NPAS3: variants seen among roughly 807,000 people sequenced by gnomAD.
The protein encoded by NPAS3 is neuronal PAS domain-containing protein 3.
A neutral mutation model predicts 73.1 loss-of-function variants in NPAS3; 14 were observed. That is an observed-to-expected ratio of 0.19 (90% CI 0.13 to 0.30). The LOEUF (loss-of-function observed/expected upper bound fraction) is 0.30. NPAS3 is among the 10% of genes least tolerant of loss of function. The probability of loss-of-function intolerance (pLI) is 1.00; values close to 1 mark genes in which losing one functional copy is unlikely to be tolerated. For missense variants in NPAS3, 1,096 were observed against 1,250.0 expected (o/e 0.88, Z 1.86); for synonymous variants, 620 against 541.5 (o/e 1.14, Z -2.01).
intron 4 of NPAS3, among the ~76,000 whole-genome samples, chr14:33,422,837 A>T (rs1347588477): frequency 3.9e-5 from 6 of 152,024 alleles, no homozygotes; most frequent in Non-Finnish European, 7.4e-5. Context: ...AGCACATATT[A>T]GCTTAGAGAC....
chr14:33,701,429 G>A lies in NPAS3; in HGVS notation c.733+25044G>A, dbSNP rs7161548. Among the ~76,000 whole-genome samples, 401 of 152,298 alleles carry A rather than the reference G, an allele frequency of 2.6e-3. 1 individual carries two copies. The highest frequency in any genetic ancestry group is 8.8e-3 in the African/African-American group (364 of 41,566). ...AGAGGAACACTATATGCAAAACTGC[G>A]TATGGATGTGAGTCATTGTTCTTGA... On this transcript the variant is annotated intron_variant, in intron 6 of 11. Transcript: ENST00000356141.
intron 1 of NPAS3, among the ~76,000 whole-genome samples, chr14:33,037,824 ACTCAT>A (rs1239560601): frequency 6.6e-6 from 1 of 152,190 alleles, no homozygotes; most frequent in Non-Finnish European, 1.5e-5. Context: ...TTTCTATGTG[ACTCAT>A]CTCAGTTGTT....
intron 1 of NPAS3, among the ~76,000 whole-genome samples, chr14:33,045,780 T>A (rs1000291123): frequency 1.3e-5 from 2 of 152,208 alleles, no homozygotes; most frequent in African/African-American, 4.8e-5. Context: ...TAAGGCTATG[T>A]TGGAAATGGT....
intron 1 of NPAS3, among the ~76,000 whole-genome samples, chr14:33,020,190 C>A (rs2039542080): frequency 6.6e-6 from 1 of 152,096 alleles, no homozygotes; most frequent in Admixed American, 6.5e-5. Context: ...CAAAGAGATG[C>A]CTTCTGAAGA....
At chr14:33,754,821 C>T (rs1392762384) in intron 7 of NPAS3, among the ~76,000 whole-genome samples, 1 of 152,136 alleles carries the variant, frequency 6.6e-6, no homozygotes, top group South Asian at 2.1e-4. Context: ...GTGAGGTACA[C>T]CTGAAAGAAT....
chr14:33,003,873 T>G (rs1419531195), intron 1 of NPAS3, among the ~76,000 whole-genome samples: 1 of 152,210 alleles, frequency 6.6e-6, no homozygotes, highest in East Asian at 1.9e-4. Context: ...AAACTGGTTT[T>G]AAGACCACAC....
At chr14:33,024,249 G>T (rs943025038) in intron 1 of NPAS3, among the ~76,000 whole-genome samples, 2 of 151,630 alleles carry the variant, frequency 1.3e-5, no homozygotes, top group Non-Finnish European at 2.9e-5. Flanking sequence ...TCGGCTCACT[G>T]AAACCTCCAC....
intron 1 of NPAS3, among the ~76,000 whole-genome samples, chr14:32,963,086 G>C (rs2037001320): frequency 1.3e-5 from 2 of 152,056 alleles, no homozygotes; most frequent in South Asian, 2.1e-4. Context: ...TTTTCTCATA[G>C]TGGTGATTGC....
intron 4 of NPAS3, among the ~76,000 whole-genome samples, chr14:33,425,890 C>T (rs1192409045): frequency 3.9e-5 from 6 of 152,070 alleles, no homozygotes; most frequent in African/African-American, 1.4e-4. Flanking sequence ...TCCTAGGCTT[C>T]ATCTCAGTCA....
chr14:33,735,228 C>T (rs1326898920), exon 7 of NPAS3: 1 of 1,612,996 alleles, frequency 6.2e-7, no homozygotes, highest in Non-Finnish European at 8.5e-7. Context: ...GTCAACCAGC[C>T]CCAGTCTGCT....
chr14:33,136,235 A>AT (rs1391023548), intron 2 of NPAS3, among the ~76,000 whole-genome samples: 2 of 151,486 alleles, frequency 1.3e-5, no homozygotes, highest in African/African-American at 4.8e-5. Context: ...TAATTTTTAT[A>AT]TTTTTAGTAG....
chr14:33,131,332 T>C (rs1039396976), intron 2 of NPAS3, among the ~76,000 whole-genome samples: 3 of 152,256 alleles, frequency 2.0e-5, no homozygotes, highest in African/African-American at 7.2e-5. Context: ...CTTTAAACAT[T>C]TGGCTTAAAT....
Position 33,457,864 on chromosome 14 carries a change from C to T in NPAS3, c.468+90596C>T, listed in dbSNP as rs141365682. ...AGGTGGGGCAGCACCCTGGCCAACC[C>T]CCTGGACACCCCTTGTTTGCAGGAA... On this transcript the variant is annotated intron_variant, in intron 4 of 11. Transcript: ENST00000356141. Among the ~76,000 whole-genome samples, 552 of 152,262 alleles carry T rather than the reference C, an allele frequency of 3.6e-3. 5 individuals carry two copies. Among genetic ancestry groups the T allele is most frequent in the African/African-American group, 0.013 (534 of 41,560 alleles).
At chr14:33,247,162 CTA>C (rs35848459) in intron 3 of NPAS3, among the ~76,000 whole-genome samples, 29,706 of 151,884 alleles carry the variant, frequency 0.2, 3,158 homozygotes, top group Non-Finnish European at 0.22. Flanking sequence ...AATGTACATT[CTA>C]TCTTAGAATA....
intron 2 of NPAS3, among the ~76,000 whole-genome samples, chr14:33,130,167 G>GCGTA (rs2043581527): frequency 6.6e-6 from 1 of 152,076 alleles, no homozygotes; most frequent in Non-Finnish European, 1.5e-5. Context: ...CCTTCTTTAT[G>GCGTA]CGTACGGCAG....
At chr14:33,640,942 A>T (rs1401768685) in intron 5 of NPAS3, among the ~76,000 whole-genome samples, 3 of 152,244 alleles carry the variant, frequency 2.0e-5, no homozygotes, top group Non-Finnish European at 4.4e-5. Context: ...ATAAATATGT[A>T]TGTGCAGAGA....
At chr14:33,261,103 T>TA (rs2048960628) in intron 3 of NPAS3, among the ~76,000 whole-genome samples, 2 of 152,172 alleles carry the variant, frequency 1.3e-5, no homozygotes, top group African/African-American at 4.8e-5. Flanking sequence ...TTTTGTTTAT[T>TA]TCAATGCTAG....
intron 4 of NPAS3, among the ~76,000 whole-genome samples, chr14:33,550,465 C>G (rs1484567731): frequency 1.3e-5 from 2 of 152,214 alleles, no homozygotes; most frequent in Non-Finnish European, 2.9e-5. Context: ...AGTATGTTAG[C>G]AAACCATAAA....
chr14:33,776,271 T>G (rs2062811894), intron 8 of NPAS3, among the ~76,000 whole-genome samples: 3 of 152,018 alleles, frequency 2.0e-5, no homozygotes, highest in Admixed American at 1.3e-4. Flanking sequence ...GACTGTGGCT[T>G]TGCTTTTTTG....
Sources: allele counts gnomAD v4.1 joint callset (sites outside exome capture counted in the v4.1 genomes callset), GRCh38; gene constraint gnomAD v4.1.1; transcripts MANE v1.5; gene names NCBI Gene and HGNC (gene_info 2026-07-23, HGNC 2026-07-21).